Variants in DLG5 observed in about 807,000 individuals in gnomAD.
DLG5 encodes discs large MAGUK scaffold protein 5.
In DLG5, 48 loss-of-function variants were observed where a neutral mutation model predicts 189.8. The observed-to-expected ratio is 0.25, with a 90% CI of 0.20 to 0.32. The LOEUF (loss-of-function observed/expected upper bound fraction) is 0.32, where lower values mean the gene tolerates loss of function less well. Among genes scored for constraint, DLG5 ranks in the 10% least tolerant of loss-of-function variants. The probability of loss-of-function intolerance (pLI) is 1.00; values close to 1 mark genes in which losing one functional copy is unlikely to be tolerated. For missense variants in DLG5, 2,160 were observed against 2,544.7 expected (o/e 0.85, Z 3.25); for synonymous variants, 1,016 against 1,054.1 (o/e 0.96, Z 0.70).
At chr10:77,798,662 T>C (rs1434293292) in intron 27 of DLG5, among the ~76,000 whole-genome samples, 1 of 152,224 alleles carries the variant, frequency 6.6e-6, no homozygotes, top group Non-Finnish European at 1.5e-5. Flanking sequence ...GAGGCATCCC[T>C]GGTGATTCGT....
At chr10:77,905,315 A>C (rs1351174020) in intron 1 of DLG5, among the ~76,000 whole-genome samples, 2 of 152,068 alleles carry the variant, frequency 1.3e-5, no homozygotes, top group Admixed American at 6.6e-5. Context: ...TTCCTGTCTT[A>C]TGTAGTATCA....
chr10:77,902,710 A>G (rs1845961087), intron 1 of DLG5, among the ~76,000 whole-genome samples: 1 of 152,116 alleles, frequency 6.6e-6, no homozygotes, highest in African/African-American at 2.4e-5. Flanking sequence ...AATACAAAAA[A>G]TTAGCTAGGC....
At chr10:77,852,834 G>A (rs1164362857) in intron 5 of DLG5, among the ~76,000 whole-genome samples, 1 of 152,192 alleles carries the variant, frequency 6.6e-6, no homozygotes, top group Non-Finnish European at 1.5e-5. Flanking sequence ...CTACCTGTCT[G>A]ATATAGAAAT....
chr10:77,910,780 G>A (rs1244748211), intron 1 of DLG5, among the ~76,000 whole-genome samples: 3 of 152,040 alleles, frequency 2.0e-5, no homozygotes, highest in Admixed American at 6.5e-5. Flanking sequence ...AGATCAGCCC[G>A]ACCAACATGA....
chr10:77,903,082 A>G (rs930315906), intron 1 of DLG5, among the ~76,000 whole-genome samples: 2 of 152,240 alleles, frequency 1.3e-5, no homozygotes, highest in African/African-American at 4.8e-5. Flanking sequence ...TGATGGTTCA[A>G]TGTACATACA....
chr10:77,852,863 A>G (rs758306156), intron 5 of DLG5, among the ~76,000 whole-genome samples: 26 of 152,292 alleles, frequency 1.7e-4, no homozygotes, highest in Non-Finnish European at 3.4e-4. Flanking sequence ...ACATATGTGT[A>G]TGTATGTATG....
intron 5 of DLG5, among the ~76,000 whole-genome samples, chr10:77,846,138 G>A (rs1589208135): frequency 6.6e-6 from 1 of 151,722 alleles, no homozygotes; most frequent in Admixed American, 6.6e-5. Flanking sequence ...CCAGCTACTC[G>A]GGAGGCTGAG....
At chr10:77,901,235 T>C (rs980755076) in intron 1 of DLG5, among the ~76,000 whole-genome samples, 5 of 152,304 alleles carry the variant, frequency 3.3e-5, no homozygotes, top group African/African-American at 1.2e-4. Flanking sequence ...TGTGCTGCCG[T>C]CTGCTCCCTA....
intron 20 of DLG5, among the ~76,000 whole-genome samples, chr10:77,813,369 C>G (rs1489429288): frequency 6.6e-6 from 1 of 152,178 alleles, no homozygotes; most frequent in Non-Finnish European, 1.5e-5. Flanking sequence ...CAGCTTCCCA[C>G]TTGGCAGTCT....
intron 20 of DLG5, among the ~76,000 whole-genome samples, chr10:77,812,853 C>A (rs182870677): frequency 3.3e-5 from 5 of 152,388 alleles, no homozygotes; most frequent in Non-Finnish European, 2.9e-5. Context: ...GGAAATTAAG[C>A]TGCTGCAGAC....
At chr10:77,820,350 G>GAAA (rs56722418) in intron 15 of DLG5, 5,184 of 144,078 alleles carry the variant, frequency 0.036, 202 homozygotes, top group East Asian at 0.24. Context: ...CATCTTAGGG[G>GAAA]AAAAAAAAAA....
intron 27 of DLG5, among the ~76,000 whole-genome samples, chr10:77,801,136 AAGACCAC>A (rs1198809409): frequency 3.9e-5 from 6 of 152,242 alleles, no homozygotes; most frequent in Admixed American, 1.3e-4. Flanking sequence ...AAGAAAAACA[AAGACCAC>A]AGAAAGAGAC....
intron 7 of DLG5, among the ~76,000 whole-genome samples, chr10:77,837,617 T>C (rs1190097582): frequency 6.6e-6 from 1 of 152,136 alleles, no homozygotes; most frequent in Non-Finnish European, 1.5e-5. Context: ...AAACAAATGG[T>C]AAAATTTGGA....
At chr10:77,871,349 G>A (rs1247104354) in intron 1 of DLG5, among the ~76,000 whole-genome samples, 1 of 152,034 alleles carries the variant, frequency 6.6e-6, no homozygotes, top group Non-Finnish European at 1.5e-5. Context: ...GATGTCATGG[G>A]GAAGTCTGTG....
intron 2 of DLG5, among the ~76,000 whole-genome samples, chr10:77,864,890 G>A (rs1216702586): frequency 6.6e-6 from 1 of 152,148 alleles, no homozygotes; most frequent in Admixed American, 6.5e-5. Context: ...GGAAGCCCAG[G>A]CCCCAGATCT....
intron 1 of DLG5, among the ~76,000 whole-genome samples, chr10:77,871,791 C>T (rs902391093): frequency 6.6e-6 from 1 of 151,978 alleles, no homozygotes; most frequent in Non-Finnish European, 1.5e-5. Flanking sequence ...ATCCACCAGG[C>T]CTCAGCCTCC....
chr10:77,933,639 G>T, the DLG5 span, among the ~76,000 whole-genome samples: 1 of 151,804 alleles, frequency 6.6e-6, no homozygotes, highest in Non-Finnish European at 1.5e-5. Context: ...CAGGAGAATC[G>T]CTTGAACCTG....
At chr10:77,853,821 T>C (rs1844098693) in intron 4 of DLG5, among the ~76,000 whole-genome samples, 2 of 152,104 alleles carry the variant, frequency 1.3e-5, no homozygotes, top group Admixed American at 1.3e-4. Context: ...CTCCAAATAC[T>C]GGGGCCTGGA....
rs1230336722 is a variant in DLG5 at position 77,796,871 on chromosome 10, C to T, written c.5165-277G>A. ...GCTCTGATTTTTCCTCGTGGGTCGA[C>T]GCCTGCTTCCCCTGCCCCATCTCCA... On this transcript the variant is annotated intron_variant, in intron 27 of 31. Transcript: ENST00000372391. The surrounding 1 kb of genome is among the most constrained non-coding windows in gnomAD (Gnocchi z 5.2). Among the ~76,000 whole-genome samples the T allele has an allele frequency of 2.0e-5, 3 of 152,192 alleles. No homozygotes were observed. Among genetic ancestry groups the T allele is most frequent in the Non-Finnish European group, 1.5e-5 (1 of 68,040 alleles).
Sources: gnomAD v4.1 joint callset for allele counts (sites outside exome capture counted in the v4.1 genomes callset) on GRCh38, gnomAD v4.1.1 for gene constraint, Gnocchi (gnomAD v3.1) non-coding constraint, MANE v1.5 for transcripts, NCBI Gene and HGNC (gene_info 2026-07-23, HGNC 2026-07-21) for gene names.